The following TEAD4 variants were observed in gnomAD, a reference collection of about 807,000 sequenced individuals.
The protein encoded by TEAD4 is transcriptional enhancer factor TEF-3.
A neutral mutation model predicts 52.4 loss-of-function variants in TEAD4; 36 were observed. That is an observed-to-expected ratio of 0.69 (90% CI 0.53 to 0.91). The LOEUF (loss-of-function observed/expected upper bound fraction) is 0.91, where lower values mean the gene tolerates loss of function less well. Among genes scored for constraint, TEAD4 ranks in the 40% least tolerant of loss-of-function variants. The probability of loss-of-function intolerance (pLI) is 0.00; values close to 1 mark genes in which losing one functional copy is unlikely to be tolerated. For synonymous variants in TEAD4, 220 were observed against 231.0 expected, an observed-to-expected ratio of 0.95 and a Z score of 0.43; for missense variants, 508 against 583.9, an observed-to-expected ratio of 0.87 and a Z score of 1.34.
At chr12:3,031,618 T>C (rs1289586534) in intron 10 of TEAD4, among the ~76,000 whole-genome samples, 1 of 152,186 alleles carries the variant, frequency 6.6e-6, no homozygotes, top group Non-Finnish European at 1.5e-5. Flanking sequence ...GTTGGATACA[T>C]GCTGTGAGAT....
Position 3,033,037 on chromosome 12 carries a change from G to A in TEAD4, c.898-4931G>A, listed in dbSNP as rs569087016. Among the ~76,000 whole-genome samples, 12 of 152,338 alleles carry A rather than the reference G, an allele frequency of 7.9e-5. No homozygotes were observed. In the South Asian group the frequency reaches 2.1e-3, roughly 26 times the overall value. On this transcript the variant is annotated intron_variant, in intron 10 of 12. Transcript: ENST00000359864. ...TAGGAAGGAAAACTGCTCAGGCAAG[G>A]AAACGGTGTCGCCTCTCCCGGAGCC... is the stretch of plus-strand genomic sequence containing the variant.
chr12:2,989,640 A>G (rs1204781265), intron 2 of TEAD4, among the ~76,000 whole-genome samples: 1 of 152,036 alleles, frequency 6.6e-6, no homozygotes, highest in Non-Finnish European at 1.5e-5. Flanking sequence ...GGGTCTCACT[A>G]TGTTGCCCAG....
At chr12:2,967,029 T>C (rs182534628) in intron 2 of TEAD4, among the ~76,000 whole-genome samples, 6 of 152,180 alleles carry the variant, frequency 3.9e-5, no homozygotes, top group Admixed American at 3.9e-4. Context: ...TTTATGGGCG[T>C]TGAGGGTAGC....
At position 3,005,741 on chromosome 12, in the gene TEAD4, C is replaced by T. The variant is rs146074813; in HGVS notation, c.227-5263C>T. 3.7e-3 allele frequency among the ~76,000 whole-genome samples: 568 copies of T among 152,240 alleles called. 2 individuals carry two copies. Among genetic ancestry groups the T allele is most frequent in the African/African-American group, 0.013 (553 of 41,530 alleles). ...GTCTCAATCTCCTGACCTCGTGATC[C>T]GCCTGCCTTGCCCACCCAAAGTGCT... On this transcript the variant is annotated intron_variant, in intron 3 of 12. Coordinates refer to ENST00000359864, the MANE Select transcript of TEAD4 (RefSeq NM_003213.4).
intron 10 of TEAD4, 130 bp downstream of exon 10, chr12:3,022,147 A>C: frequency 2.4e-6 from 3 of 1,235,530 alleles, no homozygotes; most frequent in Non-Finnish European, 3.4e-6. Flanking sequence ...AGAAGGGGAG[A>C]GTAAGCCCAG....
At chr12:3,001,047 C>T (rs1330511240) in intron 3 of TEAD4, among the ~76,000 whole-genome samples, 2 of 152,212 alleles carry the variant, frequency 1.3e-5, no homozygotes, top group African/African-American at 2.4e-5. Context: ...CTGCGGCCTA[C>T]AACCCTGACT....
chr12:2,991,985 C>T (rs2098243354), intron 2 of TEAD4, among the ~76,000 whole-genome samples: 1 of 146,994 alleles, frequency 6.8e-6, no homozygotes, highest in African/African-American at 2.5e-5. Context: ...CTTAGGTTTC[C>T]TGTGGTGGGG....
chr12:3,029,074 C>A (rs1224558018), intron 10 of TEAD4, among the ~76,000 whole-genome samples: 1 of 151,578 alleles, frequency 6.6e-6, no homozygotes, highest in Non-Finnish European at 1.5e-5. Flanking sequence ...ATTCTTTTTT[C>A]TTTTTTTCTT....
chr12:2,979,984 C>A (rs935045745), intron 2 of TEAD4, among the ~76,000 whole-genome samples: 1 of 152,144 alleles, frequency 6.6e-6, no homozygotes, highest in Non-Finnish European at 1.5e-5. Context: ...GAGCCTGTTC[C>A]TCTCCTCCCT....
chr12:2,982,429 A>G (rs896848557), intron 2 of TEAD4, among the ~76,000 whole-genome samples: 2 of 152,150 alleles, frequency 1.3e-5, no homozygotes, highest in Non-Finnish European at 2.9e-5. Context: ...TTCTGTTCAC[A>G]GCGCATGGCC....
chr12:3,009,764 A>T (rs2098258758), intron 3 of TEAD4, among the ~76,000 whole-genome samples: 1 of 152,132 alleles, frequency 6.6e-6, no homozygotes, highest in South Asian at 2.1e-4. Flanking sequence ...CCAGACTCCG[A>T]TTCTCCCCCC....
In TEAD4 at chr12:2,994,264, C is replaced by T. The variant is rs903253207; in HGVS notation, c.-29-474C>T. Among the ~76,000 whole-genome samples the T allele has an allele frequency of 5.9e-5, 9 of 152,030 alleles. No individual in the cohort carries two copies. The highest frequency in any genetic ancestry group is 3.3e-4 in the Admixed American group (5 of 15,260). On this transcript the variant is annotated intron_variant, in intron 2 of 12. Coordinates refer to ENST00000359864, the MANE Select transcript of TEAD4 (RefSeq NM_003213.4). The surrounding 1 kb of genome is among the most constrained non-coding windows in gnomAD (Gnocchi z 4.7). ...CTAATTTTTGTATTTTTAGTAGAAA[C>T]GGGGTTTCACCATGTTGGCCAGGCT...
At chr12:3,000,475 G>T (rs3825369) in intron 3 of TEAD4, among the ~76,000 whole-genome samples, 107,300 of 151,878 alleles carry the variant, frequency 0.71, 41,520 homozygotes, top group Non-Finnish European at 0.87. Context: ...TTTCTTCCTC[G>T]GAGACAGCCC....
At chr12:2,995,913 C>A (rs1252478617) in intron 3 of TEAD4, among the ~76,000 whole-genome samples, 1 of 150,550 alleles carries the variant, frequency 6.6e-6, no homozygotes. Context: ...GAGGCTGAGG[C>A]AGAAAGATCT....
At chr12:3,020,810 A>AC in intron 9 of TEAD4, 37 bp downstream of exon 9, 1 of 1,500,506 alleles carries the variant, frequency 6.7e-7, no homozygotes, top group Non-Finnish European at 8.9e-7. Flanking sequence ...CTCCCTGGTC[A>AC]CCCCCTCTCC....
chr12:3,037,035 C>T (rs61918015), intron 10 of TEAD4, among the ~76,000 whole-genome samples: 3 of 152,144 alleles, frequency 2.0e-5, no homozygotes, highest in South Asian at 4.1e-4. Flanking sequence ...AGTCTTACTC[C>T]GCCTTTTCTA....
chr12:2,965,835 C>T lies in TEAD4; in HGVS notation c.-30+5795C>T, dbSNP rs566352860. Among the ~76,000 whole-genome samples the T allele has an allele frequency of 4.3e-3, 661 of 152,214 alleles. 5 individuals are homozygous for T. The highest frequency in any genetic ancestry group is 0.015 in the African/African-American group (620 of 41,542). On this transcript the variant is annotated intron_variant, in intron 2 of 12. Transcript: ENST00000359864. ...CTGGGATTACAGGCGTGAGCCACCG[C>T]GCCCGGCCATAAATTTTTTTAAATT...
intron 3 of TEAD4, 25 bp from the exon 4 acceptor site, chr12:3,010,979 T>C (rs1308710146): frequency 1.2e-6 from 2 of 1,613,776 alleles, no homozygotes; most frequent in African/African-American, 2.7e-5. Flanking sequence ...TTCTCTCCAC[T>C]GAGAGGCTGC....
At chr12:2,975,509 C>A (rs7303275) in intron 2 of TEAD4, among the ~76,000 whole-genome samples, 94,400 of 151,806 alleles carry the variant, frequency 0.62, 34,739 homozygotes, top group Non-Finnish European at 0.82. Context: ...CTGCCTCAGC[C>A]TCTCAAGTAG....
Sources: allele counts gnomAD v4.1 joint callset (sites outside exome capture counted in the v4.1 genomes callset), GRCh38; gene constraint gnomAD v4.1.1; non-coding constraint Gnocchi (gnomAD v3.1); transcripts MANE v1.5; gene names NCBI Gene and HGNC (gene_info 2026-07-23, HGNC 2026-07-21).